Variants in EFL1 observed in about 807,000 individuals in gnomAD.
EFL1 encodes elongation factor-like GTPase 1.
A neutral mutation model predicts 126.7 loss-of-function variants in EFL1; 76 were observed. The ratio of observed to expected loss-of-function variants is 0.60; its 90% CI spans 0.50 to 0.73. The LOEUF is 0.73. EFL1 is among the 30% of genes least tolerant of loss of function. EFL1 has a pLI of 0.00. For missense variants in EFL1, 1,128 were observed against 1,343.2 expected, an observed-to-expected ratio of 0.84 and a Z score of 2.50; for synonymous variants, 410 against 448.4, an observed-to-expected ratio of 0.91 and a Z score of 1.08.
intron 15 of EFL1, among the ~76,000 whole-genome samples, chr15:82,179,518 C>G (rs931020850): frequency 6.6e-6 from 1 of 152,090 alleles, no homozygotes; most frequent in Non-Finnish European, 1.5e-5. Flanking sequence ...CAATCCCTGG[C>G]AGTTCTGGAG....
intron 17 of EFL1, among the ~76,000 whole-genome samples, chr15:82,155,133 G>A (rs1024228291): frequency 1.3e-5 from 2 of 152,124 alleles, no homozygotes; most frequent in African/African-American, 4.8e-5. Context: ...TCCATTGTAT[G>A]AATACGCCAT....
Position 82,238,530 on chromosome 15 carries a change from G to T in EFL1, c.517-9C>A. The T allele has an allele frequency of 1.9e-6, 3 of 1,600,068 alleles. No individual in the cohort carries two copies. On this transcript the variant is annotated splice_polypyrimidine_tract_variant and intron_variant, in intron 6 of 19. Transcript: ENST00000268206. Reference sequence around the variant, plus strand: ...CCTGTGAGCGCATTAATCTAGGAGAGATGGTGAAATGGCAGAGCGTCATTC... The same window carrying T: ...CCTGTGAGCGCATTAATCTAGGAGATATGGTGAAATGGCAGAGCGTCATTC...
intron 15 of EFL1, among the ~76,000 whole-genome samples, chr15:82,164,884 G>A (rs1157315567): frequency 7.0e-6 from 1 of 142,344 alleles, no homozygotes; most frequent in Non-Finnish European, 1.5e-5. Context: ...GCGACAGAGC[G>A]AGATTCCACC....
chr15:82,217,235 T>G (rs760858602), intron 14 of EFL1, among the ~76,000 whole-genome samples: 4 of 152,056 alleles, frequency 2.6e-5, no homozygotes, highest in Non-Finnish European at 4.4e-5. Context: ...AGAACTACTT[T>G]GGACAATAAA....
At chr15:82,144,875 C>G (rs1356411054) in intron 18 of EFL1, among the ~76,000 whole-genome samples, 1 of 151,914 alleles carries the variant, frequency 6.6e-6, no homozygotes, top group Non-Finnish European at 1.5e-5. Flanking sequence ...CACCTGTAGT[C>G]CCAGCTACTC....
At chr15:82,130,603 T>C in intron 19 of EFL1, 42 bp from the exon 20 acceptor site, 1 of 1,600,362 alleles carries the variant, frequency 6.2e-7, no homozygotes, top group Non-Finnish European at 8.5e-7. Flanking sequence ...TTAGGCATTT[T>C]TAATTTCAAA....
chr15:82,193,999 T>G (rs2074384959), intron 15 of EFL1, among the ~76,000 whole-genome samples: 2 of 152,346 alleles, frequency 1.3e-5, no homozygotes, highest in Admixed American at 6.5e-5. Context: ...TGCTTGGCAC[T>G]GGAAAATTCC....
At chr15:82,237,582 G>A (rs1014742383) in intron 7 of EFL1, among the ~76,000 whole-genome samples, 9 of 152,294 alleles carry the variant, frequency 5.9e-5, no homozygotes, top group Admixed American at 2.0e-4. Context: ...GGTACAGTCC[G>A]TCTGGAAACA....
intron 4 of EFL1, 84 bp from the exon 5 acceptor site, chr15:82,241,487 A>G: frequency 6.8e-7 from 1 of 1,472,238 alleles, no homozygotes; most frequent in Non-Finnish European, 9.0e-7. Context: ...AAGAAAGCTG[A>G]AAGCTTCTAA....
intron 12 of EFL1, among the ~76,000 whole-genome samples, chr15:82,221,210 G>T (rs535075351): frequency 4.6e-5 from 7 of 152,234 alleles, no homozygotes; most frequent in African/African-American, 1.4e-4. Flanking sequence ...CTCCCGTGTT[G>T]TCCATCACCT....
chr15:82,162,728 G>A lies in EFL1; in HGVS notation c.1882+1125C>T, dbSNP rs573623434. Among the ~76,000 whole-genome samples the A allele has an allele frequency of 2.0e-5, 3 of 152,316 alleles. No individual in the cohort carries two copies. In the East Asian group the frequency reaches 5.8e-4, roughly 29 times the overall value. On this transcript the variant is annotated intron_variant, in intron 16 of 19. Transcript: ENST00000268206. ...AAAGGTCAGAGGTCCAGTCCTCCAA[G>A]TATCTGCTCTGGGGATCCAGGGATC...
At position 82,227,498 on chromosome 15, in the gene EFL1, A is replaced by T. The variant is rs369754106; in HGVS notation, c.1144T>A (p.Ser382Thr). 54 of 1,614,144 alleles carry T rather than the reference A, an allele frequency of 3.3e-5. No individual in the cohort carries two copies. The Middle Eastern group carries it at 4.9e-4, about 15-fold the overall frequency. The change falls in exon 11 of 20, where the codon TCA (serine) becomes ACA (threonine). Residue 382 changes from serine (S) to threonine (T), a missense_variant. Coordinates refer to ENST00000268206, the MANE Select transcript of EFL1 (RefSeq NM_024580.6). ...GGTGGAAAAGAGTCAAAAGTTTGTG[A>T]TCCTGTGCACATCAGTCTCTCCACT... ...ERVERLMCTG[S>T]QTFDSFPPET...
At chr15:82,160,648 A>T (rs1012893727) in intron 16 of EFL1, among the ~76,000 whole-genome samples, 4 of 152,108 alleles carry the variant, frequency 2.6e-5, no homozygotes, top group African/African-American at 7.2e-5. Flanking sequence ...GGTATCAAAA[A>T]TTTTTTTTAA....
intron 4 of EFL1, among the ~76,000 whole-genome samples, chr15:82,250,425 T>C (rs1003900294): frequency 2.4e-5 from 3 of 126,976 alleles, no homozygotes; most frequent in African/African-American, 9.3e-5. Flanking sequence ...AGCCAATCCA[T>C]AGGTGCAACC....
chr15:82,231,542 A>G (rs554266086), intron 7 of EFL1, among the ~76,000 whole-genome samples: 50 of 152,282 alleles, frequency 3.3e-4, no homozygotes, highest in African/African-American at 1.2e-3. Context: ...GGTCCTATAT[A>G]CAGCATCTGC....
At position 82,172,082 on chromosome 15, in the gene EFL1, T is replaced by TAA. The variant is rs58160667; in HGVS notation, c.1751-8100_1751-8099dup. Among the ~76,000 whole-genome samples, 396 of 145,176 alleles carry TAA rather than the reference T, an allele frequency of 2.7e-3. 2 individuals are homozygous for TAA. Among genetic ancestry groups the TAA allele is most frequent in the African/African-American group, 9.2e-3 (364 of 39,620 alleles). The stretch of plus-strand genomic sequence containing the variant: ...AAAGAAAGCCTCAGTCAAAAAACAT[T>TAA]AAAAAAAAAAAGAATCTCATTGATA... On this transcript the variant is annotated intron_variant, in intron 15 of 19. Coordinates refer to ENST00000268206, the MANE Select transcript of EFL1 (RefSeq NM_024580.6).
At chr15:82,230,221 G>GT (rs1458905996) in intron 8 of EFL1, among the ~76,000 whole-genome samples, 3 of 152,052 alleles carry the variant, frequency 2.0e-5, no homozygotes, top group African/African-American at 7.2e-5. Flanking sequence ...TGATTTTTTT[G>GT]TTTACTGTGG....
chr15:82,230,599 A>G (rs964406955), intron 8 of EFL1, among the ~76,000 whole-genome samples: 4 of 151,172 alleles, frequency 2.6e-5, no homozygotes, highest in Non-Finnish European at 5.9e-5. Flanking sequence ...TGGTCTTCTG[A>G]AAAAAAAAGA....
intron 19 of EFL1, among the ~76,000 whole-genome samples, chr15:82,137,613 C>A (rs1293900012): frequency 6.6e-6 from 1 of 152,204 alleles, no homozygotes; most frequent in Non-Finnish European, 1.5e-5. Flanking sequence ...GAAACCAGGA[C>A]TCTCTGACTC....
Sources: gnomAD v4.1 joint callset for allele counts (sites outside exome capture counted in the v4.1 genomes callset) on GRCh38, gnomAD v4.1.1 for gene constraint, MANE v1.5 for transcripts, NCBI Gene and HGNC (gene_info 2026-07-23, HGNC 2026-07-21) for gene names.